Variants in GRIK2 observed in about 807,000 individuals in gnomAD.
GRIK2 encodes glutamate receptor ionotropic, kainate 2.
GRIK2 carries 32 observed loss-of-function variants against 100.3 expected under a neutral mutation model. The observed-to-expected ratio is 0.32, with a 90% CI of 0.24 to 0.43. The LOEUF (loss-of-function observed/expected upper bound fraction) is 0.43, where lower values mean the gene tolerates loss of function less well. GRIK2 is among the 20% of genes least tolerant of loss of function. The probability of loss-of-function intolerance (pLI) is 1.00; values close to 1 mark genes in which losing one functional copy is unlikely to be tolerated. For missense variants in GRIK2, 843 were observed against 1,114.9 expected (o/e 0.76, Z 3.47); for synonymous variants, 417 against 389.4 (o/e 1.07, Z -0.83).
chr6:101,824,510 C>T (rs1370581017), intron 10 of GRIK2, among the ~76,000 whole-genome samples: 1 of 152,134 alleles, frequency 6.6e-6, no homozygotes, highest in Non-Finnish European at 1.5e-5. Flanking sequence ...TCACTCCTGT[C>T]TGACTATGTT....
intron 14 of GRIK2, among the ~76,000 whole-genome samples, chr6:102,008,765 T>C (rs2114302525): frequency 6.6e-6 from 1 of 152,262 alleles, no homozygotes; most frequent in Non-Finnish European, 1.5e-5. Context: ...TCACTGAAAG[T>C]GAGTGCTTCA....
chr6:101,793,856 G>A lies in GRIK2; in HGVS notation c.952-5792G>A, dbSNP rs112724698. The stretch of plus-strand genomic sequence containing the variant: ...GGCAGACCTCCTTGAGCTGTGGTGG[G>A]CTCCACCCAGTTCAAGCTTCCTGGC... On this transcript the variant is annotated intron_variant, in intron 7 of 16. Coordinates refer to ENST00000369134, the MANE Select transcript of GRIK2 (RefSeq NM_021956.5). Among the ~76,000 whole-genome samples, 1,171 of 152,264 alleles carry A rather than the reference G, an allele frequency of 7.7e-3. 7 individuals carry two copies. Among genetic ancestry groups the A allele is most frequent in the Non-Finnish European group, 9.7e-3 (663 of 68,016 alleles).
At chr6:101,917,637 C>G (rs1477593008) in intron 12 of GRIK2, among the ~76,000 whole-genome samples, 1 of 150,798 alleles carries the variant, frequency 6.6e-6, no homozygotes, top group Non-Finnish European at 1.5e-5. Context: ...AGAAGGACTA[C>G]TGTATTTTCT....
At chr6:101,946,731 A>G (rs1000066063) in intron 14 of GRIK2, among the ~76,000 whole-genome samples, 8 of 152,248 alleles carry the variant, frequency 5.3e-5, no homozygotes, top group African/African-American at 1.9e-4. Flanking sequence ...ACTCAATTCT[A>G]CTGCTCAAAG....
At chr6:101,619,300 T>A (rs1780035574) in intron 2 of GRIK2, among the ~76,000 whole-genome samples, 1 of 151,764 alleles carries the variant, frequency 6.6e-6, no homozygotes, top group East Asian at 1.9e-4. Flanking sequence ...AAACTCTGGC[T>A]TGGATTAATA....
chr6:101,714,401 A>G lies in GRIK2; in HGVS notation c.951+28048A>G, dbSNP rs376378092. Among the ~76,000 whole-genome samples the G allele has an allele frequency of 2.4e-4, 37 of 151,872 alleles. No individual in the cohort carries two copies. In the South Asian group the frequency reaches 7.7e-3, roughly 31 times the overall value. ...TCCTGGACTGCCATGCTTCAAATAT[A>G]TTGATGTATCTTACTTTACATCTCT... is the stretch of plus-strand genomic sequence containing the variant. On this transcript the variant is annotated intron_variant, in intron 7 of 16. Transcript: ENST00000369134.
intron 11 of GRIK2, among the ~76,000 whole-genome samples, chr6:101,881,949 T>G (rs1355495758): frequency 6.6e-6 from 1 of 152,036 alleles, no homozygotes; most frequent in African/African-American, 2.4e-5. Flanking sequence ...AAAGAAAAAG[T>G]AGTTTAATGA....
At chr6:101,717,563 T>C (rs1263345537) in intron 7 of GRIK2, among the ~76,000 whole-genome samples, 1 of 151,826 alleles carries the variant, frequency 6.6e-6, no homozygotes, top group East Asian at 1.9e-4. Flanking sequence ...AATTAAGATA[T>C]GGCTTTGCCA....
chr6:101,416,946 T>C (rs1038464371), intron 2 of GRIK2, among the ~76,000 whole-genome samples: 1 of 152,178 alleles, frequency 6.6e-6, no homozygotes, highest in Non-Finnish European at 1.5e-5. Flanking sequence ...GTTTCAATGT[T>C]AGTGCAGCAA....
At chr6:102,034,991 C>T (rs1770188854) in intron 14 of GRIK2, among the ~76,000 whole-genome samples, 1 of 151,170 alleles carries the variant, frequency 6.6e-6, no homozygotes, top group Non-Finnish European at 1.5e-5. Context: ...ATATGAAATA[C>T]TCAGGTAAGA....
At chr6:101,943,798 A>G (rs1375716459) in intron 14 of GRIK2, among the ~76,000 whole-genome samples, 1 of 152,206 alleles carries the variant, frequency 6.6e-6, no homozygotes, top group African/African-American at 2.4e-5. Flanking sequence ...ACAGGCTCAT[A>G]GGCAAAAGAT....
chr6:102,055,562 A>C lies in GRIK2; in HGVS notation c.2544A>C (p.Lys848Asn). 1 of 1,609,370 alleles carries C rather than the reference A, an allele frequency of 6.2e-7. No homozygotes were observed. Among genetic ancestry groups the C allele is most frequent in the Admixed American group, 1.7e-5 (1 of 59,910 alleles). The change falls in exon 16 of 17, where the codon AAA (lysine) becomes AAC (asparagine). Residue 848 changes from lysine (K) to asparagine (N), a missense_variant. By Grantham distance (94) the Lys-to-Asn change is moderately conservative. Coordinates refer to ENST00000369134, the MANE Select transcript of GRIK2 (RefSeq NM_021956.5). ...AVGEFLYKSK[K>N]NAQLEKRSFC... ...GAGAATTTTTATACAAATCCAAAAAAAACGCTCAATTGGAAAAGGTAAATG... is the reference window on the plus strand; with the variant it reads ...GAGAATTTTTATACAAATCCAAAAACAACGCTCAATTGGAAAAGGTAAATG...
chr6:101,962,413 A>C (rs1375454884), intron 14 of GRIK2, among the ~76,000 whole-genome samples: 2 of 152,076 alleles, frequency 1.3e-5, no homozygotes, highest in Non-Finnish European at 2.9e-5. Flanking sequence ...TGTGCTTTGA[A>C]TTATTTCAAA....
chr6:101,626,780 A>C, intron 4 of GRIK2, 143 bp downstream of exon 4: 1 of 642,646 alleles, frequency 1.6e-6, no homozygotes, highest in Admixed American at 3.1e-5. Context: ...AGAATCAAAC[A>C]CCAATCCTAA....
intron 9 of GRIK2, among the ~76,000 whole-genome samples, chr6:101,806,062 C>A (rs1336375458): frequency 3.9e-5 from 6 of 152,118 alleles, no homozygotes; most frequent in African/African-American, 1.4e-4. Flanking sequence ...AAAAAGATCA[C>A]CGATACTGTA....
At chr6:101,853,877 C>T (rs534940873) in intron 10 of GRIK2, among the ~76,000 whole-genome samples, 3 of 152,144 alleles carry the variant, frequency 2.0e-5, no homozygotes, top group Admixed American at 6.5e-5. Context: ...CTGGAAAAGG[C>T]GAAACTCTGG....
chr6:101,998,689 C>T (rs1224779947), intron 14 of GRIK2, among the ~76,000 whole-genome samples: 1 of 151,820 alleles, frequency 6.6e-6, no homozygotes, highest in African/African-American at 2.4e-5. Context: ...CTTAATTTTC[C>T]TTAATGTATA....
chr6:101,736,993 A>T (rs557250915), intron 7 of GRIK2, among the ~76,000 whole-genome samples: 1 of 152,142 alleles, frequency 6.6e-6, no homozygotes, highest in Non-Finnish European at 1.5e-5. Flanking sequence ...AGTTCCACAT[A>T]TCTTTAGGTC....
intron 2 of GRIK2, among the ~76,000 whole-genome samples, chr6:101,593,366 T>A (rs993269375): frequency 8.6e-5 from 13 of 151,884 alleles, no homozygotes; most frequent in Non-Finnish European, 1.0e-4. Flanking sequence ...TAATTTGCTG[T>A]CGTGTAATGA....
Sources: allele counts gnomAD v4.1 joint callset (sites outside exome capture counted in the v4.1 genomes callset), GRCh38; gene constraint gnomAD v4.1.1; transcripts MANE v1.5; gene names NCBI Gene and HGNC (gene_info 2026-07-23, HGNC 2026-07-21).